Variants in PCNA observed in about 807,000 individuals in gnomAD.
PCNA encodes the protein DNA sliding clamp PCNA.
In PCNA, 4 loss-of-function variants were observed where a neutral mutation model predicts 27.8. The ratio of observed to expected loss-of-function variants is 0.14; its 90% CI spans 0.07 to 0.33. The LOEUF (loss-of-function observed/expected upper bound fraction) is 0.33. PCNA is among the 10% of genes least tolerant of loss of function. The probability of loss-of-function intolerance (pLI) is 1.00; values close to 1 mark genes in which losing one functional copy is unlikely to be tolerated. For synonymous variants in PCNA, 121 were observed against 119.4 expected (o/e 1.01, Z -0.09); for missense variants, 165 against 327.4 (o/e 0.50, Z 3.83).
In PCNA at chr20:5,115,576, CA is replaced by C; in HGVS notation, c.583-5del. 1 of 1,610,650 alleles carries C rather than the reference CA, an allele frequency of 6.2e-7. No homozygotes were observed. The stretch of plus-strand genomic sequence containing the variant: ...GTTCATTCATCTCTATGGTAACCTA[CA>C]AAACAAAAGATTCATCATTGAAAAA... On this transcript the variant is annotated splice_polypyrimidine_tract_variant and splice_region_variant and intron_variant, in intron 4 of 5. Coordinates refer to ENST00000379143, the MANE Select transcript of PCNA (RefSeq NM_182649.2).
In PCNA at chr20:5,115,473, T is replaced by C; in HGVS notation, c.682A>G (p.Ser228Gly). ...ATPLSSTVTL[S>G]MSADVPLVVE... ...CCAAGGGGTACATCTGCAGACATACTGAGTGTCACCGTTGAAGAGAGTGGA... is the reference window on the plus strand; with the variant it reads ...CCAAGGGGTACATCTGCAGACATACCGAGTGTCACCGTTGAAGAGAGTGGA... Residue 228 changes from serine to glycine, a missense_variant, in exon 5 of 6, where the codon AGT becomes GGT. Physicochemically the swap from Ser to Gly is moderately conservative, Grantham distance 56. Transcript: ENST00000379143. 6.2e-7 allele frequency: 1 copy of C among 1,614,086 alleles called. No homozygotes were observed. The highest frequency in any genetic ancestry group is 8.5e-7 in the Non-Finnish European group (1 of 1,179,950).
chr20:5,125,489 A>G (rs1466213039), intron 1 of PCNA, among the ~76,000 whole-genome samples: 2 of 152,252 alleles, frequency 1.3e-5, no homozygotes. Flanking sequence ...TTAAAATTTA[A>G]AAATTGAAAA....
intron 2 of PCNA, 21 bp downstream of exon 2, chr20:5,118,748 C>G: frequency 6.2e-7 from 1 of 1,609,596 alleles, no homozygotes; most frequent in Non-Finnish European, 8.5e-7. Context: ...CTTCGTGACT[C>G]GGTAAAAAGG....
rs2090506547 is a variant in PCNA at position 5,119,886 on chromosome 20, G to A, written c.-88C>T. 6 of 1,054,468 alleles carry A rather than the reference G, an allele frequency of 5.7e-6. No individual in the cohort carries two copies. Among genetic ancestry groups the A allele is most frequent in the South Asian group, 5.6e-5 (4 of 71,772 alleles). The allele number at this position is 1,054,468 out of a possible 1,614,324, so 65.3% of individuals were successfully genotyped here. ...CGGCTTCAGGAGCCTCAGAGCGAGC[G>A]GGCGAACGTCGCGACGACCGGCTGA... On this transcript the variant is annotated 5_prime_UTR_variant, in exon 1 of 6. Coordinates refer to ENST00000379143, the MANE Select transcript of PCNA (RefSeq NM_182649.2).
At chr20:5,126,333 CAGTGCCTAGTATACAATT>C (rs745704645) in intron 1 of PCNA, among the ~76,000 whole-genome samples, 2 of 152,252 alleles carry the variant, frequency 1.3e-5, no homozygotes, top group Non-Finnish European at 2.9e-5. Context: ...TTACTCAGCT[CAGTGCCTAGTATACAATT>C]AGTGCTTAAC....
At chr20:5,122,901 G>A (rs1210483596), upstream of PCNA, among the ~76,000 whole-genome samples, 1 of 152,240 alleles carries the variant, frequency 6.6e-6, no homozygotes, top group East Asian at 1.9e-4. Flanking sequence ...TATTACAGAA[G>A]TGATGTCCTC....
chr20:5,119,641 C>G lies in PCNA; in HGVS notation c.158G>C (p.Arg53Pro). Residue 53 changes from arginine (R) to proline (P), a missense_variant, in exon 1 of 6, where the codon CGG (arginine) becomes CCG (proline). By Grantham distance (103) the Arg-to-Pro change is moderately radical. Transcript: ENST00000379143. ...GCGGTAGGTGTCGAAGCCCTCAGAC[C>G]GCAGGGTGAGCTGCACCAAAGAGAC... ...SHVSLVQLTL[R>P]SEGFDTYRCD... is the part of the protein sequence containing the mutation. 6.2e-7 allele frequency: 1 copy of G among 1,613,762 alleles called. No homozygotes were observed. The highest frequency in any genetic ancestry group is 8.5e-7 in the Non-Finnish European group (1 of 1,179,904).
upstream of PCNA, among the ~76,000 whole-genome samples, chr20:5,123,874 G>A (rs1300426351): frequency 6.6e-6 from 1 of 152,044 alleles, no homozygotes; most frequent in Non-Finnish European, 1.5e-5. Context: ...AACCATACAA[G>A]TTTTAAGACT....
Position 5,118,752 on chromosome 20 carries a change from A to G in PCNA, c.319+17T>C. ...ATTTTCTGTAGCTTCGTGACTCGGT[A>G]AAAAGGTACGACTTACTTGGTGCTT... On this transcript the variant is annotated intron_variant, in intron 2 of 5. Transcript: ENST00000379143. 6.2e-7 allele frequency: 1 copy of G among 1,611,298 alleles called. No individual in the cohort carries two copies. Among genetic ancestry groups the G allele is most frequent in the Non-Finnish European group, 8.5e-7 (1 of 1,177,350 alleles).
upstream of PCNA, among the ~76,000 whole-genome samples, chr20:5,120,403 C>T (rs1204401579): frequency 7.2e-5 from 11 of 152,216 alleles, no homozygotes. Flanking sequence ...TTGATGCGCT[C>T]GTAGGTGTCA....
Position 5,117,492 on chromosome 20 carries a change from T to C in PCNA, c.560A>G (p.Asn187Ser). ...TACAGCTTCCTCCTCTTTATCGACA[T>C]TACTTGTCTGTGACAATTTAATGTT... ...NGNIKLSQTS[N>S]VDKEEEAVTI... is the part of the protein sequence containing the mutation. The change falls in exon 4 of 6, where the codon AAT becomes AGT. Residue 187 changes from asparagine (N) to serine (S), a missense_variant. Transcript: ENST00000379143. 6.2e-7 allele frequency: 1 copy of C among 1,613,436 alleles called. No homozygotes were observed. Among genetic ancestry groups the C allele is most frequent in the Non-Finnish European group, 8.5e-7 (1 of 1,179,670 alleles).
At chr20:5,123,845 C>T (rs1359992102), upstream of PCNA, among the ~76,000 whole-genome samples, 2 of 151,734 alleles carry the variant, frequency 1.3e-5, no homozygotes, top group Admixed American at 1.3e-4. Flanking sequence ...AAGAAAAAAA[C>T]CCATAAAACA....
chr20:5,120,646 G>A (rs1489437043), upstream of PCNA, among the ~76,000 whole-genome samples: 1 of 151,440 alleles, frequency 6.6e-6, no homozygotes, highest in Admixed American at 6.6e-5. Flanking sequence ...TATCATATCA[G>A]TACCTCTTTA....
Position 5,115,132 on chromosome 20 carries a change from T to C in PCNA, c.*151A>G, listed in dbSNP as rs534273013. 134 of 582,504 alleles carry C rather than the reference T, an allele frequency of 2.3e-4. No individual in the cohort carries two copies. The highest frequency in any genetic ancestry group is 2.2e-3 in the African/African-American group (120 of 53,402). The allele number at this position is 582,504 out of a possible 1,614,324, so 36.1% of individuals were successfully genotyped here. A position where few individuals can be genotyped will look rare whatever the true frequency, so the allele number is the denominator to read the frequency against. On this transcript the variant is annotated 3_prime_UTR_variant, in exon 6 of 6. Transcript: ENST00000379143. Reference sequence around the variant, plus strand: ...TATTCTTTAAACAAATTGCAGAGAATAGAGAAAAAAATAGGTTATTTACAG... The same window carrying C: ...TATTCTTTAAACAAATTGCAGAGAACAGAGAAAAAAATAGGTTATTTACAG...
At chr20:5,120,038 G>C, upstream of PCNA, 1 of 546,738 alleles carries the variant, frequency 1.8e-6, no homozygotes, top group Non-Finnish European at 3.3e-6. Context: ...CGGCCTTGCG[G>C]GGAAGACTTT....
chr20:5,116,496 CAA>C (rs905192223), intron 4 of PCNA, among the ~76,000 whole-genome samples: 1 of 152,134 alleles, frequency 6.6e-6, no homozygotes, highest in Admixed American at 6.5e-5. Context: ...ATTCAAGGGA[CAA>C]GAGAGCAATA....
At position 5,119,921 on chromosome 20, in the gene PCNA, A is replaced by C; in HGVS notation, c.-123T>G. 2 of 727,200 alleles carry C rather than the reference A, an allele frequency of 2.8e-6. No individual in the cohort carries two copies. Among genetic ancestry groups the C allele is most frequent in the South Asian group, 1.7e-5 (1 of 59,320 alleles). The allele number at this position is 727,200 out of a possible 1,614,324, so 45.0% of individuals were successfully genotyped here. ...CGCGACGACCGGCTGAGACCTAGAA[A>C]GACAACGACCACTCTGCTACGCCTG... On this transcript the variant is annotated 5_prime_UTR_variant, in exon 1 of 6. Transcript: ENST00000379143.
chr20:5,115,307 C>T lies in PCNA; in HGVS notation c.762G>A (p.Lys254=). The T allele has an allele frequency of 1.2e-6, 2 of 1,613,806 alleles. No individual in the cohort carries two copies. Among genetic ancestry groups the T allele is most frequent in the Non-Finnish European group, 8.5e-7 (1 of 1,179,736 alleles). The stretch of plus-strand genomic sequence containing the variant: ...CCTAAGATCCTTCTTCATCCTCGAT[C>T]TTGGGAGCCAAGTAGTATTTTAAGT... The part of the protein sequence containing the change: ...MGHLKYYLAP[K]IEDEEGS The change falls in exon 6 of 6, where the codon AAG becomes AAA. Residue 254 remains lysine (K), a synonymous_variant. Transcript: ENST00000379143.
At chr20:5,122,625 C>G (rs2090524896), upstream of PCNA, among the ~76,000 whole-genome samples, 1 of 152,188 alleles carries the variant, frequency 6.6e-6, no homozygotes, top group Non-Finnish European at 1.5e-5. Flanking sequence ...ACAGCATCAT[C>G]TGTTTGTGGT....
Sources: allele counts gnomAD v4.1 joint callset (sites outside exome capture counted in the v4.1 genomes callset), GRCh38; gene constraint gnomAD v4.1.1; transcripts MANE v1.5; gene names NCBI Gene and HGNC (gene_info 2026-07-23, HGNC 2026-07-21).